JMJD1C: variants seen among roughly 807,000 people sequenced by gnomAD.
JMJD1C encodes jumonji domain containing 1C, also known as jumonji domain-containing protein 1C.
Under a neutral mutation model 245.3 loss-of-function variants are expected in JMJD1C, and 31 were observed. That is an observed-to-expected ratio of 0.13 (90% CI 0.09 to 0.17). The LOEUF (loss-of-function observed/expected upper bound fraction) is 0.17, where lower values mean the gene tolerates loss of function less well. Ranked by LOEUF, JMJD1C falls within the 10% of genes least tolerant of loss-of-function variation. JMJD1C has a pLI of 1.00. For synonymous variants in JMJD1C, 1,057 were observed against 1,017.4 expected (o/e 1.04, Z -0.74); for missense variants, 2,691 against 3,000.2 (o/e 0.90, Z 2.41).
In JMJD1C at chr10:63,200,462, A is replaced by AT. The variant is rs746085305; in HGVS notation, c.5276+13dup. 2 of 1,594,298 alleles carry AT rather than the reference A, an allele frequency of 1.3e-6. No individual in the cohort carries two copies. The highest frequency in any genetic ancestry group is 1.7e-6 in the Non-Finnish European group (2 of 1,162,928). ...AATAAATTACTTTTTTCCCAATCTC[A>AT]TATTTTCACTTACCGTCTAAAGTAG... On this transcript the variant is annotated intron_variant, in intron 11 of 25. Transcript: ENST00000399262.
At chr10:63,185,700 T>C in intron 19 of JMJD1C, 47 bp from the exon 20 acceptor site, 3 of 1,034,724 alleles carry the variant, frequency 2.9e-6, no homozygotes, top group Non-Finnish European at 4.5e-6. Context: ...TCTGCCTTTT[T>C]ATCTTTATTA....
chr10:63,192,882 T>C (rs1051210560), intron 16 of JMJD1C, 56 bp downstream of exon 16: 1 of 1,251,956 alleles, frequency 8.0e-7, no homozygotes, highest in Admixed American at 1.7e-5. Flanking sequence ...TAGTACATTG[T>C]TGGTTAGTTA....
At chr10:63,381,507 A>T (rs1369190612) in intron 1 of JMJD1C, among the ~76,000 whole-genome samples, 1 of 152,188 alleles carries the variant, frequency 6.6e-6, no homozygotes, top group Non-Finnish European at 1.5e-5. Flanking sequence ...ACTGCAGCCC[A>T]GGTGACAGAA....
chr10:63,354,654 C>T, intron 2 of JMJD1C, among the ~76,000 whole-genome samples: 1 of 126,012 alleles, frequency 7.9e-6, no homozygotes, highest in East Asian at 2.7e-4. Context: ...AGAGTATTTT[C>T]TACCTAAATT....
At chr10:63,498,745 C>T (rs372415306) in intron 1 of JMJD1C, among the ~76,000 whole-genome samples, 38 of 152,030 alleles carry the variant, frequency 2.5e-4, no homozygotes, top group East Asian at 1.5e-3. Context: ...ATGAGATCTA[C>T]CTTCTTAACA....
intron 1 of JMJD1C, among the ~76,000 whole-genome samples, chr10:63,453,688 C>T (rs575415990): frequency 7.9e-5 from 12 of 152,210 alleles, no homozygotes; most frequent in African/African-American, 2.4e-4. Flanking sequence ...TAGTTAAAAA[C>T]GGCAAGAGAC....
chr10:63,322,580 C>G (rs984497500), intron 2 of JMJD1C, among the ~76,000 whole-genome samples: 1 of 151,966 alleles, frequency 6.6e-6, no homozygotes, highest in African/African-American at 2.4e-5. Context: ...TTTGGGAGGC[C>G]GAAGAGGGAG....
intron 3 of JMJD1C, among the ~76,000 whole-genome samples, chr10:63,240,991 C>G (rs1851407724): frequency 6.6e-6 from 1 of 152,084 alleles, no homozygotes; most frequent in African/African-American, 2.4e-5. Flanking sequence ...TAATGTAAGA[C>G]AAAGCAAATG....
At chr10:63,335,048 A>AAC (rs1255231713) in intron 2 of JMJD1C, among the ~76,000 whole-genome samples, 5 of 140,772 alleles carry the variant, frequency 3.6e-5, no homozygotes, top group African/African-American at 7.9e-5. Context: ...AAAAAAAAAT[A>AAC]TTGTTCCTAA....
intron 1 of JMJD1C, among the ~76,000 whole-genome samples, chr10:63,406,913 G>C (rs527402956): frequency 6.6e-6 from 1 of 152,080 alleles, no homozygotes; most frequent in South Asian, 2.1e-4. Context: ...TGGATGATGA[G>C]GATTGTAAGG....
chr10:63,479,018 A>G (rs1953748085), intron 1 of JMJD1C, among the ~76,000 whole-genome samples: 1 of 152,232 alleles, frequency 6.6e-6, no homozygotes, highest in Non-Finnish European at 1.5e-5. Flanking sequence ...TCTTAATATA[A>G]GCAAGAATTG....
rs148721598 is a variant in JMJD1C, at chr10:63,200,317, T to C, written c.5276+159A>G. Among the ~76,000 whole-genome samples, 26 of 152,296 alleles carry C rather than the reference T, an allele frequency of 1.7e-4. No individual in the cohort carries two copies. The East Asian group carries it at 4.6e-3, about 27-fold the overall frequency. On this transcript the variant is annotated intron_variant, in intron 11 of 25. Coordinates refer to ENST00000399262, the MANE Select transcript of JMJD1C (RefSeq NM_032776.3). ...CTTATAGTTAGAAATTGTTAAAATT[T>C]AGCACGAAAACATTTAATAACTCTT...
intron 3 of JMJD1C, among the ~76,000 whole-genome samples, chr10:63,235,218 G>A (rs1045016217): frequency 1.2e-4 from 18 of 152,016 alleles, no homozygotes; most frequent in African/African-American, 3.9e-4. Context: ...AAAATCAGCC[G>A]GGCACGGTGG....
intron 18 of JMJD1C, among the ~76,000 whole-genome samples, chr10:63,187,013 C>T (rs1844208437): frequency 1.3e-5 from 2 of 152,210 alleles, no homozygotes; most frequent in South Asian, 4.1e-4. Context: ...CACAGCAAAA[C>T]CCTGTCTCCA....
At chr10:63,171,197 T>C (rs541323093) in intron 24 of JMJD1C, among the ~76,000 whole-genome samples, 3 of 152,138 alleles carry the variant, frequency 2.0e-5, no homozygotes, top group African/African-American at 7.2e-5. Flanking sequence ...AAAACAACTG[T>C]TGCTGTTTTT....
At chr10:63,283,716 G>A (rs781579040) in intron 2 of JMJD1C, among the ~76,000 whole-genome samples, 1 of 152,160 alleles carries the variant, frequency 6.6e-6, no homozygotes, top group Non-Finnish European at 1.5e-5. Flanking sequence ...GGAATTCTCA[G>A]AATCATTCTT....
rs1228620580 is a variant in JMJD1C, at chr10:63,167,425, G to A, written c.*620C>T. ...AAGTTCACATAAATTTTACCAAAAT[G>A]AGACAATTTTAAATAAATTACACCT... On this transcript the variant is annotated 3_prime_UTR_variant, in exon 26 of 26. Transcript: ENST00000399262. 6.6e-6 allele frequency: 1 copy of A among 152,514 alleles called. No individual in the cohort carries two copies. Among genetic ancestry groups the A allele is most frequent in the Non-Finnish European group, 1.5e-5 (1 of 67,978 alleles). 9.4% of individuals were successfully genotyped at this position (152,514 alleles called of 1,614,324 possible). A position where few individuals can be genotyped will look rare whatever the true frequency, so the allele number is the denominator to read the frequency against.
intron 16 of JMJD1C, among the ~76,000 whole-genome samples, chr10:63,192,542 T>C (rs1844961987): frequency 6.6e-6 from 1 of 152,192 alleles, no homozygotes; most frequent in Non-Finnish European, 1.5e-5. Flanking sequence ...CACTCTAGAC[T>C]GGGCAACAAG....
intron 2 of JMJD1C, among the ~76,000 whole-genome samples, chr10:63,273,196 G>C (rs1011144081): frequency 6.6e-6 from 1 of 152,146 alleles, no homozygotes; most frequent in Non-Finnish European, 1.5e-5. Context: ...AAATGGGCTT[G>C]ACATACATAT....
Sources: gnomAD v4.1 joint callset for allele counts (sites outside exome capture counted in the v4.1 genomes callset) on GRCh38, gnomAD v4.1.1 for gene constraint, MANE v1.5 for transcripts, NCBI Gene and HGNC (gene_info 2026-07-23, HGNC 2026-07-21) for gene names.